Variants in VPS26C observed in about 807,000 individuals in gnomAD.
VPS26C encodes the protein VPS26 endosomal protein sorting factor C, also known as vacuolar protein sorting-associated protein 26C.
Under a neutral mutation model 30.6 loss-of-function variants are expected in VPS26C, and 19 were observed. The observed-to-expected ratio is 0.62, with a 90% CI of 0.43 to 0.91. The LOEUF is 0.91. VPS26C is among the 40% of genes least tolerant of loss of function. VPS26C has a pLI of 0.00. For missense variants in VPS26C, 318 were observed against 385.1 expected, an observed-to-expected ratio of 0.83 and a Z score of 1.46; for synonymous variants, 132 against 151.5, an observed-to-expected ratio of 0.87 and a Z score of 0.95.
At chr21:37,244,681 A>G (rs976482647) in intron 1 of VPS26C, among the ~76,000 whole-genome samples, 9 of 152,256 alleles carry the variant, frequency 5.9e-5, no homozygotes, top group Non-Finnish European at 1.0e-4. Context: ...CTTCCTGGAA[A>G]TCACCCAAAG....
At position 37,233,155 on chromosome 21, in the gene VPS26C, G is replaced by GC; in HGVS notation, c.432+206dup. On this transcript the variant is annotated intron_variant, in intron 4 of 7. Transcript: ENST00000309117. The surrounding 1 kb of genome is among the most constrained non-coding windows in gnomAD (Gnocchi z 5.2). ...CGACGTGGAGTCCCTCTGGCCCGCG[G>GC]CCTCAGCTGGGGGACTCTGGGCCCA... 1.9e-6 allele frequency: 1 copy of GC among 534,924 alleles called. No homozygotes were observed. The highest frequency in any genetic ancestry group is 3.4e-6 in the Non-Finnish European group (1 of 296,540). 33.1% of individuals were successfully genotyped at this position (534,924 alleles called of 1,614,324 possible).
intron 1 of VPS26C, chr21:37,266,875 G>A (rs1158289053): frequency 2.8e-6 from 1 of 362,090 alleles, no homozygotes; most frequent in Admixed American, 4.8e-5. Context: ...GGGGAGTTTG[G>A]TCGTCAACTC....
chr21:37,227,961 C>T (rs1303089657), intron 6 of VPS26C, among the ~76,000 whole-genome samples, 155 bp from the exon 7 acceptor site: 1 of 152,210 alleles, frequency 6.6e-6, no homozygotes, highest in African/African-American at 2.4e-5. Flanking sequence ...GGCACAGCCA[C>T]GCTCTTACTT....
chr21:37,236,275 A>G (rs1324997130), intron 3 of VPS26C, among the ~76,000 whole-genome samples: 2 of 152,198 alleles, frequency 1.3e-5, no homozygotes, highest in African/African-American at 4.8e-5. Context: ...CTGTGTGACC[A>G]CAGGAAGTCA....
Position 37,233,916 on chromosome 21 carries a change from G to T in VPS26C, c.352-474C>A, listed in dbSNP as rs1390985230. On this transcript the variant is annotated intron_variant, in intron 3 of 7. Transcript: ENST00000309117. This position sits in a 1 kb window ranked among gnomAD's most constrained non-coding sequence, Gnocchi z 5.2. ...TGCAGCGAGACTCCAATGAGATCAT[G>T]TGTGACAAGCACTCAGCACAGGGCT... 6.6e-6 allele frequency among the ~76,000 whole-genome samples: 1 copy of T among 152,242 alleles called. No individual in the cohort carries two copies. Among genetic ancestry groups the T allele is most frequent in the Admixed American group, 6.5e-5 (1 of 15,290 alleles).
intron 1 of VPS26C, among the ~76,000 whole-genome samples, chr21:37,247,031 A>C (rs2086144020): frequency 6.6e-6 from 1 of 152,228 alleles, no homozygotes. Context: ...CTGGGATTAC[A>C]GGTGTGAGCC....
intron 3 of VPS26C, among the ~76,000 whole-genome samples, chr21:37,235,862 TATATA>T: frequency 9.8e-6 from 1 of 101,656 alleles, no homozygotes; most frequent in Admixed American, 9.9e-5. Flanking sequence ...TATATATATA[TATATA>T]TATATATATA....
At chr21:37,261,993 AGTGGG>A (rs2086309322) in intron 1 of VPS26C, 2 of 152,210 alleles carry the variant, frequency 1.3e-5, no homozygotes, top group Admixed American at 1.3e-4. Flanking sequence ...AGTAGTACTT[AGTGGG>A]AAATGTCTAC....
At chr21:37,225,820 A>C (rs2085893723) in intron 7 of VPS26C, 194 bp from the exon 8 acceptor site, 5 of 591,018 alleles carry the variant, frequency 8.5e-6, no homozygotes, top group African/African-American at 1.9e-5. Flanking sequence ...CTGATGTCTG[A>C]CTACCTCTGT....
chr21:37,235,866 TA>T (rs57432556), intron 3 of VPS26C, among the ~76,000 whole-genome samples: 48 of 104,320 alleles, frequency 4.6e-4, no homozygotes, highest in African/African-American at 1.5e-3. Context: ...TATATATATA[TA>T]TATATATATA....
intron 1 of VPS26C, among the ~76,000 whole-genome samples, chr21:37,255,796 T>C (rs1256121109): frequency 6.6e-6 from 1 of 151,082 alleles, no homozygotes; most frequent in East Asian, 1.9e-4. Flanking sequence ...CCTTTTTGGC[T>C]TAAATGCTCC....
intron 2 of VPS26C, 48 bp downstream of exon 2, chr21:37,240,447 AC>A (rs2086073983): frequency 1.2e-6 from 2 of 1,606,186 alleles, no homozygotes; most frequent in Non-Finnish European, 1.7e-6. Flanking sequence ...GCCCAGCCCA[AC>A]ATTTCAATAT....
Position 37,233,235 on chromosome 21 carries a change from CTT to C in VPS26C, c.432+125_432+126del. The C allele has an allele frequency of 1.3e-6, 1 of 773,394 alleles. No individual in the cohort carries two copies. The highest frequency in any genetic ancestry group is 2.2e-6 in the Non-Finnish European group (1 of 455,686). 47.9% of individuals were successfully genotyped at this position (773,394 alleles called of 1,614,324 possible). A position where few individuals can be genotyped will look rare whatever the true frequency, so the allele number is the denominator to read the frequency against. Reference sequence around the variant, plus strand: ...CACCGACTGTCTCTGACCCAGAAGTCTTGTGTCTTCTGCCAGCACCCGTGAAA... The same window carrying C: ...CACCGACTGTCTCTGACCCAGAAGTCGTGTCTTCTGCCAGCACCCGTGAAA... On this transcript the variant is annotated intron_variant, in intron 4 of 7. Coordinates refer to ENST00000309117, the MANE Select transcript of VPS26C (RefSeq NM_006052.2). The surrounding 1 kb of genome is among the most constrained non-coding windows in gnomAD (Gnocchi z 5.2).
chr21:37,227,156 G>A (rs971296792), intron 7 of VPS26C: 2 of 153,604 alleles, frequency 1.3e-5, no homozygotes, highest in Non-Finnish European at 1.5e-5. Context: ...GCTCACTCTG[G>A]GGTTTTCACG....
chr21:37,247,083 C>T (rs1602277259), intron 1 of VPS26C, among the ~76,000 whole-genome samples: 1 of 152,160 alleles, frequency 6.6e-6, no homozygotes, highest in East Asian at 1.9e-4. Flanking sequence ...AGCTGTAAGC[C>T]ATATGTGACT....
intron 3 of VPS26C, among the ~76,000 whole-genome samples, chr21:37,235,835 G>A (rs60614709): frequency 0.27 from 36,542 of 135,936 alleles, 4,833 homozygotes; most frequent in African/African-American, 0.28. Flanking sequence ...ACATATATAT[G>A]TGTGTATATG....
At chr21:37,232,019 C>T (rs542135681) in intron 5 of VPS26C, 2 of 245,230 alleles carry the variant, frequency 8.2e-6, no homozygotes, top group African/African-American at 4.4e-5. Context: ...AGGATGACAA[C>T]AGGCCAGGGG....
intron 1 of VPS26C, 142 bp from the exon 2 acceptor site, chr21:37,240,781 G>T: frequency 8.5e-7 from 1 of 1,171,214 alleles, no homozygotes; most frequent in Non-Finnish European, 1.2e-6. Context: ...CCAGGGTGGA[G>T]AAGGCCCAGG....
At position 37,226,312 on chromosome 21, in the gene VPS26C, C is replaced by CTG. The variant is rs552779844; in HGVS notation, c.812-688_812-687dup. On this transcript the variant is annotated intron_variant, in intron 7 of 7. Coordinates refer to ENST00000309117, the MANE Select transcript of VPS26C (RefSeq NM_006052.2). This position sits in a 1 kb window ranked among gnomAD's most constrained non-coding sequence, Gnocchi z 4.1. Reference sequence around the variant, plus strand: ...AGGGCACCCTGTGCTGAGCCCCACACTGTGGCAGCTCAGCTGTGGAAGGGG... The same window carrying CTG: ...AGGGCACCCTGTGCTGAGCCCCACACTGTGTGGCAGCTCAGCTGTGGAAGGGG... 1 of 152,450 alleles carries CTG rather than the reference C, an allele frequency of 6.6e-6. No homozygotes were observed. Among genetic ancestry groups the CTG allele is most frequent in the East Asian group, 1.9e-4 (1 of 5,202 alleles). 9.4% of individuals were successfully genotyped at this position (152,450 alleles called of 1,614,324 possible).
Sources: gnomAD v4.1 joint callset for allele counts (sites outside exome capture counted in the v4.1 genomes callset) on GRCh38, gnomAD v4.1.1 for gene constraint, Gnocchi (gnomAD v3.1) non-coding constraint, MANE v1.5 for transcripts, NCBI Gene and HGNC (gene_info 2026-07-23, HGNC 2026-07-21) for gene names.